Variants in RANBP2 observed in about 807,000 individuals in gnomAD.
The protein encoded by RANBP2 is RAN binding protein 2.
A neutral mutation model predicts 303.6 loss-of-function variants in RANBP2; 57 were observed. That is an observed-to-expected ratio of 0.19 (90% CI 0.15 to 0.23). RANBP2 has a LOEUF of 0.23. Ranked by LOEUF, RANBP2 falls within the 10% of genes least tolerant of loss-of-function variation. RANBP2 has a pLI of 1.00. For missense variants in RANBP2, 3,138 were observed against 3,780.8 expected, an observed-to-expected ratio of 0.83 and a Z score of 4.46; for synonymous variants, 1,167 against 1,301.5, an observed-to-expected ratio of 0.90 and a Z score of 2.23.
the RANBP2 span, among the ~76,000 whole-genome samples, chr2:109,344,894 C>T: frequency 6.6e-6 from 1 of 152,140 alleles, no homozygotes; most frequent in African/African-American, 2.4e-5. Context: ...GGGTTCACAT[C>T]AAGTCCCATG....
chr2:109,239,647 G>A, the RANBP2 span, among the ~76,000 whole-genome samples: 1 of 152,166 alleles, frequency 6.6e-6, no homozygotes, highest in African/African-American at 2.4e-5. Flanking sequence ...AAGAGAGGCC[G>A]ATGAAGCCAC....
the RANBP2 span, among the ~76,000 whole-genome samples, chr2:109,262,398 C>T: frequency 6.6e-6 from 1 of 152,130 alleles, no homozygotes; most frequent in East Asian, 1.9e-4. Flanking sequence ...GGGTTACTGC[C>T]TTCAAACTCT....
the RANBP2 span, among the ~76,000 whole-genome samples, chr2:108,845,648 T>C: frequency 6.6e-6 from 1 of 151,020 alleles, no homozygotes; most frequent in Non-Finnish European, 1.5e-5. Flanking sequence ...CTCGGCTCAC[T>C]GCAAGCTCCG....
the RANBP2 span, among the ~76,000 whole-genome samples, chr2:109,055,366 C>CTTTTTT: frequency 1.0e-4 from 14 of 133,432 alleles, no homozygotes; most frequent in East Asian, 6.5e-4. Flanking sequence ...TTTTTCTTTT[C>CTTTTTT]TTTTTTTTTT....
the RANBP2 span, among the ~76,000 whole-genome samples, chr2:109,024,408 C>T: frequency 7.2e-5 from 11 of 152,208 alleles, no homozygotes; most frequent in South Asian, 2.1e-4. Context: ...AATCTTTTCA[C>T]GGCTACTGTC....
At chr2:109,650,527 A>G in the RANBP2 span, among the ~76,000 whole-genome samples, 1 of 152,152 alleles carries the variant, frequency 6.6e-6, no homozygotes, top group Admixed American at 6.5e-5. Context: ...ATCTGTCACC[A>G]GTGCCTCCCA....
the RANBP2 span, among the ~76,000 whole-genome samples, chr2:109,094,946 T>G: frequency 1.3e-5 from 2 of 152,226 alleles, no homozygotes; most frequent in Non-Finnish European, 2.9e-5. Flanking sequence ...TCACGTGACT[T>G]TAGTAATCTT....
At chr2:108,869,068 T>C in the RANBP2 span, among the ~76,000 whole-genome samples, 1 of 152,082 alleles carries the variant, frequency 6.6e-6, no homozygotes, top group South Asian at 2.1e-4. Context: ...TTTCATAATA[T>C]TGTACATGCT....
At chr2:109,694,664 T>G in the RANBP2 span, among the ~76,000 whole-genome samples, 3 of 152,226 alleles carry the variant, frequency 2.0e-5, no homozygotes, top group African/African-American at 7.2e-5. Context: ...AATCTGAAAA[T>G]CCGAAATGTG....
the RANBP2 span, among the ~76,000 whole-genome samples, chr2:109,374,644 A>T: frequency 0.019 from 2,927 of 152,270 alleles, 93 homozygotes; most frequent in African/African-American, 0.061. Context: ...CCCTGGTGCA[A>T]GAAGGAATGT....
the RANBP2 span, among the ~76,000 whole-genome samples, chr2:109,432,008 A>G: frequency 1.3e-5 from 2 of 152,222 alleles, no homozygotes; most frequent in Admixed American, 1.3e-4. Context: ...TGGATAAGCC[A>G]GGCAGGAAAA....
the RANBP2 span, among the ~76,000 whole-genome samples, chr2:109,491,637 G>T: frequency 6.6e-6 from 1 of 152,168 alleles, no homozygotes; most frequent in African/African-American, 2.4e-5. Context: ...ACCTGGCTTG[G>T]ATCCCCCTGT....
the RANBP2 span, among the ~76,000 whole-genome samples, chr2:109,141,303 A>G: frequency 6.6e-6 from 1 of 152,020 alleles, no homozygotes; most frequent in Non-Finnish European, 1.5e-5. Context: ...CGGCTTTTGC[A>G]GTTGCCACTG....
At chr2:109,456,509 C>G in the RANBP2 span, among the ~76,000 whole-genome samples, 1,749 of 152,334 alleles carry the variant, frequency 0.011, 38 homozygotes, top group African/African-American at 0.039. Context: ...CCCGTCAGAG[C>G]ACAGGCCCTC....
Position 108,753,030 on chromosome 2 carries a change from A to C in RANBP2, c.1788A>C (p.Arg596=). 1 of 1,609,406 alleles carries C rather than the reference A, an allele frequency of 6.2e-7. No homozygotes were observed. Among genetic ancestry groups the C allele is most frequent in the Non-Finnish European group, 8.5e-7 (1 of 1,178,930 alleles). Residue 596 remains arginine, a synonymous_variant, in exon 13 of 29, where the codon CGA becomes CGC. Transcript: ENST00000283195. The part of the protein sequence containing the change: ...GSGLNSFYDQ[R]EYIGRSVHYW... The stretch of plus-strand genomic sequence containing the variant: ...GTCTTAATTCTTTTTATGATCAACG[A>C]GAATACATAGGGAGAAGTGTTCATT...
the RANBP2 span, among the ~76,000 whole-genome samples, chr2:108,949,589 T>C: frequency 1.3e-5 from 2 of 152,176 alleles, no homozygotes; most frequent in African/African-American, 4.8e-5. Flanking sequence ...TAAAATCTTT[T>C]TTTTTCCTAA....
At chr2:109,037,698 C>T in the RANBP2 span, among the ~76,000 whole-genome samples, 4 of 152,102 alleles carry the variant, frequency 2.6e-5, no homozygotes, top group Non-Finnish European at 5.9e-5. Flanking sequence ...AACACAATAC[C>T]ATTTATGACA....
chr2:109,437,166 ACCCT>A, the RANBP2 span: 1 of 1,593,928 alleles, frequency 6.3e-7, no homozygotes, highest in South Asian at 1.1e-5. Context: ...CAGGGGCCTC[ACCCT>A]GCAGGGCATC....
the RANBP2 span, among the ~76,000 whole-genome samples, chr2:109,329,468 A>G: frequency 6.6e-6 from 1 of 152,342 alleles, no homozygotes; most frequent in East Asian, 1.9e-4. Flanking sequence ...TCCAGAGGCC[A>G]TGGCTGGAGC....
Sources: allele counts gnomAD v4.1 joint callset (sites outside exome capture counted in the v4.1 genomes callset), GRCh38; gene constraint gnomAD v4.1.1; transcripts MANE v1.5; gene names NCBI Gene and HGNC (gene_info 2026-07-23, HGNC 2026-07-21).